The following TMEM108 variants were observed in gnomAD, a reference collection of about 807,000 sequenced individuals.
TMEM108 encodes transmembrane protein 108, also known as cancer/testis antigen 124.
In TMEM108, 12 loss-of-function variants were observed where a neutral mutation model predicts 35.1. The observed-to-expected ratio is 0.34, with a 90% CI of 0.22 to 0.55. The LOEUF is 0.55. Ranked by LOEUF, TMEM108 falls within the 20% of genes least tolerant of loss-of-function variation. TMEM108 has a pLI of 0.89. For synonymous variants in TMEM108, 287 were observed against 308.6 expected (o/e 0.93, Z 0.73); for missense variants, 680 against 753.3 (o/e 0.90, Z 1.14).
rs766274131 is a variant in TMEM108, at chr3:133,136,840, T to C, written c.-47+90820T>C. Among the ~76,000 whole-genome samples, 151 of 152,344 alleles carry C rather than the reference T, an allele frequency of 9.9e-4. 2 individuals are homozygous for C. The highest frequency in any genetic ancestry group is 1.5e-3 in the Non-Finnish European group (104 of 68,018). On this transcript the variant is annotated intron_variant, in intron 2 of 5. Coordinates refer to ENST00000321871, the MANE Select transcript of TMEM108 (RefSeq NM_023943.4). Reference sequence around the variant, plus strand: ...CAGCATCCTGATCTGAAATAATTCCTAGCCTTTTGTGTGGTTGGTGGTGGC... The same window carrying C: ...CAGCATCCTGATCTGAAATAATTCCCAGCCTTTTGTGTGGTTGGTGGTGGC...
chr3:133,291,322 C>G (rs938377564), intron 3 of TMEM108, among the ~76,000 whole-genome samples: 3 of 151,368 alleles, frequency 2.0e-5, no homozygotes, highest in African/African-American at 7.3e-5. Context: ...ATTCTGTTGC[C>G]CAGGCTGGAG....
At chr3:133,101,556 C>T (rs1288622152) in intron 2 of TMEM108, among the ~76,000 whole-genome samples, 2 of 152,202 alleles carry the variant, frequency 1.3e-5, no homozygotes, top group Non-Finnish European at 2.9e-5. Flanking sequence ...AATTGCCTGC[C>T]TACAGTCTGG....
chr3:133,305,948 T>C (rs1002769836), intron 3 of TMEM108, among the ~76,000 whole-genome samples: 1 of 152,146 alleles, frequency 6.6e-6, no homozygotes, highest in Non-Finnish European at 1.5e-5. Flanking sequence ...GCCCAATTTT[T>C]TATTGAGTTG....
intron 4 of TMEM108, chr3:133,386,348 A>G (rs768541040): frequency 9.3e-6 from 14 of 1,509,244 alleles, no homozygotes; most frequent in Non-Finnish European, 1.2e-5. Flanking sequence ...CCCGGGAAAG[A>G]GCAATTCAAT....
intron 2 of TMEM108, among the ~76,000 whole-genome samples, chr3:133,047,301 A>G (rs906005377): frequency 5.3e-5 from 8 of 152,188 alleles, no homozygotes. Context: ...TATATCCTGT[A>G]TTTTAAAAGT....
intron 3 of TMEM108, among the ~76,000 whole-genome samples, chr3:133,309,859 C>T (rs1186608657): frequency 6.6e-6 from 1 of 151,874 alleles, no homozygotes; most frequent in Non-Finnish European, 1.5e-5. Context: ...AGCCGCTACG[C>T]CCGGCTAATT....
chr3:133,083,418 C>T (rs186881348), intron 2 of TMEM108, among the ~76,000 whole-genome samples: 66 of 152,194 alleles, frequency 4.3e-4, no homozygotes, highest in African/African-American at 1.5e-3. Context: ...TGGAACAGGA[C>T]GTTGGGTAAG....
chr3:133,341,547 CAT>C (rs1165310389), intron 3 of TMEM108, among the ~76,000 whole-genome samples: 4 of 151,670 alleles, frequency 2.6e-5, no homozygotes, highest in Admixed American at 6.6e-5. Context: ...AGTCCTAAAA[CAT>C]ATGTGGAACT....
chr3:133,109,118 G>T (rs1944195526), intron 2 of TMEM108, among the ~76,000 whole-genome samples: 1 of 152,074 alleles, frequency 6.6e-6, no homozygotes, highest in South Asian at 2.1e-4. Flanking sequence ...TGATACGGTG[G>T]AAAGAATAGT....
intron 3 of TMEM108, among the ~76,000 whole-genome samples, chr3:133,374,069 C>CG (rs1361962659): frequency 2.0e-5 from 3 of 152,184 alleles, no homozygotes; most frequent in Non-Finnish European, 2.9e-5. Context: ...GGAGTTCTTA[C>CG]GGGGGGCCAA....
In TMEM108 at chr3:133,113,191, C is replaced by T. The variant is rs1338433640; in HGVS notation, c.-47+67171C>T. ...ATGTGAATGGATGGGTGGCTCATAA[C>T]ACTCAGTGACTTAGGTATCCGATAG... On this transcript the variant is annotated intron_variant, in intron 2 of 5. Transcript: ENST00000321871. 7.9e-5 allele frequency among the ~76,000 whole-genome samples: 12 copies of T among 152,048 alleles called. No homozygotes were observed. The East Asian group carries it at 2.1e-3, about 27-fold the overall frequency.
intron 3 of TMEM108, among the ~76,000 whole-genome samples, chr3:133,294,743 A>G (rs7653209): frequency 0.04 from 6,067 of 152,290 alleles, 377 homozygotes; most frequent in African/African-American, 0.13. Flanking sequence ...AGTTCAGGAA[A>G]TTGTAGGCCA....
intron 2 of TMEM108, among the ~76,000 whole-genome samples, chr3:133,197,745 CAG>C (rs945579124): frequency 4.6e-5 from 7 of 152,138 alleles, no homozygotes; most frequent in Non-Finnish European, 1.0e-4. Flanking sequence ...TGGCTGAAAT[CAG>C]AGGTGAAGCC....
chr3:133,334,008 A>T (rs1226998355), intron 3 of TMEM108, among the ~76,000 whole-genome samples: 1 of 152,210 alleles, frequency 6.6e-6, no homozygotes, highest in Non-Finnish European at 1.5e-5. Context: ...TAGCCTTATC[A>T]TGGAATCATA....
chr3:133,386,597 A>AAACTC lies in TMEM108; in HGVS notation c.1451-3580_1451-3576dup, dbSNP rs1170352439. 5.5e-6 allele frequency: 8 copies of AAACTC among 1,445,770 alleles called. No homozygotes were observed. In the African/African-American group the frequency reaches 1.1e-4, roughly 21 times the overall value. 89.6% of individuals were successfully genotyped at this position (1,445,770 alleles called of 1,614,324 possible). On this transcript the variant is annotated intron_variant, in intron 4 of 5. Transcript: ENST00000321871. Reference sequence around the variant, plus strand: ...GAGCTTAATTCCCAACTCTGTTTTAAAACTCAAGGAAATTGGGACTCCATG... The same window carrying AAACTC: ...GAGCTTAATTCCCAACTCTGTTTTAAAACTCAACTCAAGGAAATTGGGACTCCATG...
At chr3:133,369,109 C>T (rs1188495284) in intron 3 of TMEM108, among the ~76,000 whole-genome samples, 1 of 152,174 alleles carries the variant, frequency 6.6e-6, no homozygotes, top group Non-Finnish European at 1.5e-5. Context: ...AGATTGAACG[C>T]AAATCCCACT....
At chr3:133,196,564 T>C (rs1183685897) in intron 2 of TMEM108, among the ~76,000 whole-genome samples, 2 of 152,220 alleles carry the variant, frequency 1.3e-5, no homozygotes, top group Admixed American at 6.5e-5. Flanking sequence ...TCTGGGAGTC[T>C]AGTCAAAGGA....
chr3:133,344,233 T>G (rs753500175), intron 3 of TMEM108, among the ~76,000 whole-genome samples: 9 of 151,690 alleles, frequency 5.9e-5, no homozygotes, highest in Non-Finnish European at 1.0e-4. Flanking sequence ...AATAAAAAAT[T>G]TAAACAAAAA....
chr3:133,326,358 G>A (rs2071333164), intron 3 of TMEM108, among the ~76,000 whole-genome samples: 1 of 152,112 alleles, frequency 6.6e-6, no homozygotes, highest in Admixed American at 6.6e-5. Context: ...CCAGCCCCAA[G>A]GACGTGTCAC....
Sources: gnomAD v4.1 joint callset for allele counts (sites outside exome capture counted in the v4.1 genomes callset) on GRCh38, gnomAD v4.1.1 for gene constraint, MANE v1.5 for transcripts, NCBI Gene and HGNC (gene_info 2026-07-23, HGNC 2026-07-21) for gene names.